ACTN3: variants seen among roughly 807,000 people sequenced by gnomAD.
ACTN3 encodes alpha-actinin-3.
ACTN3 carries 91 observed loss-of-function variants against 119.6 expected under a neutral mutation model. The observed-to-expected ratio is 0.76, with a 90% CI of 0.64 to 0.91. The LOEUF is 0.91. Ranked by LOEUF, ACTN3 falls within the 40% of genes least tolerant of loss-of-function variation. The pLI is 0.00. For synonymous variants in ACTN3, 456 were observed against 478.8 expected, an observed-to-expected ratio of 0.95 and a Z score of 0.62; for missense variants, 1,221 against 1,215.1, an observed-to-expected ratio of 1.00 and a Z score of -0.07.
At chr11:66,560,942 A>C (rs1207497317) in intron 15 of ACTN3, among the ~76,000 whole-genome samples, 187 bp downstream of exon 15, 1 of 152,212 alleles carries the variant, frequency 6.6e-6, no homozygotes. Context: ...GAGCTGTAAC[A>C]GCAGCATTCT....
intron 3 of ACTN3, among the ~76,000 whole-genome samples, chr11:66,553,435 G>T (rs1419744314): frequency 6.6e-6 from 1 of 151,704 alleles, no homozygotes; most frequent in Non-Finnish European, 1.5e-5. Context: ...GCAGCCTGTA[G>T]TCCCCGCTAT....
chr11:66,551,395 G>A (rs1384804387), intron 2 of ACTN3, 42 bp downstream of exon 2: 3 of 1,576,096 alleles, frequency 1.9e-6, no homozygotes, highest in East Asian at 2.3e-5. Context: ...CAGGACCCAG[G>A]AACATCTGGA....
In ACTN3 at chr11:66,561,544, C is replaced by T. The variant is rs1857765006; in HGVS notation, c.2082C>T (p.Asn694=). ...GLRQQEQNII[N]YKTNIDRLEG... ...GGCAGCAGGAGCAGAACATTATCAA[C>T]TACAAGACTAACATTGACCGGCTGG... is the stretch of plus-strand genomic sequence containing the variant. Residue 694 remains asparagine (N), a synonymous_variant, in exon 17 of 21, where the codon AAC becomes AAT. Coordinates refer to ENST00000513398, the MANE Select transcript of ACTN3 (RefSeq NM_001104.4). 21 of 1,611,854 alleles carry T rather than the reference C, an allele frequency of 1.3e-5. No homozygotes were observed. Among genetic ancestry groups the T allele is most frequent in the Non-Finnish European group, 1.4e-5 (17 of 1,179,014 alleles).
At chr11:66,560,109 G>GGT in intron 13 of ACTN3, 33 bp downstream of exon 13, 3 of 1,048,634 alleles carry the variant, frequency 2.9e-6, no homozygotes, top group Admixed American at 2.3e-5. Context: ...TGGGGGGTGG[G>GGT]TAGGTGGGTG....
At chr11:66,547,943 C>A (rs1234712899) in intron 1 of ACTN3, among the ~76,000 whole-genome samples, 2 of 152,144 alleles carry the variant, frequency 1.3e-5, no homozygotes, top group Non-Finnish European at 2.9e-5. Context: ...GGGGGCAGGA[C>A]ACCTGGGTTC....
chr11:66,552,893 C>T (rs1565304437), intron 3 of ACTN3, among the ~76,000 whole-genome samples: 1 of 150,878 alleles, frequency 6.6e-6, no homozygotes. Context: ...CACACACACA[C>T]ACACACACAC....
At chr11:66,552,634 T>A (rs1300788065) in intron 3 of ACTN3, among the ~76,000 whole-genome samples, 2 of 151,554 alleles carry the variant, frequency 1.3e-5, no homozygotes, top group Non-Finnish European at 2.9e-5. Flanking sequence ...GGCAAATGGA[T>A]CACCCTGAAG....
chr11:66,560,347 C>T lies in ACTN3; in HGVS notation c.1677+36C>T, dbSNP rs758092620. 6 of 1,589,098 alleles carry T rather than the reference C, an allele frequency of 3.8e-6. No individual in the cohort carries two copies. The East Asian group carries it at 1.4e-4, about 36-fold the overall frequency. ...GGGTTGCAGGGGATGGATAGGATGACAGGAAAGCTGGCCCCAAATTCTGCC... is the reference window on the plus strand; with the variant it reads ...GGGTTGCAGGGGATGGATAGGATGATAGGAAAGCTGGCCCCAAATTCTGCC... On this transcript the variant is annotated intron_variant, in intron 14 of 20. Coordinates refer to ENST00000513398, the MANE Select transcript of ACTN3 (RefSeq NM_001104.4).
Position 66,562,974 on chromosome 11 carries a change from G to A in ACTN3, c.2547+20G>A, listed in dbSNP as rs1857826083. 2 of 1,610,436 alleles carry A rather than the reference G, an allele frequency of 1.2e-6. No individual in the cohort carries two copies. The highest frequency in any genetic ancestry group is 1.1e-5 in the South Asian group (1 of 90,734). ...GACAAGGTGAGTCCCAGGCGGTGGA[G>A]GGGCTGGTGGGCTAGGGCAGGGCAC... On this transcript the variant is annotated intron_variant, in intron 20 of 20. Coordinates refer to ENST00000513398, the MANE Select transcript of ACTN3 (RefSeq NM_001104.4).
chr11:66,546,631 A>G (rs1857346940), upstream of ACTN3: 1 of 1,534,124 alleles, frequency 6.5e-7, no homozygotes, highest in Admixed American at 2.0e-5. Context: ...TATTGTGGAG[A>G]GGAGTAAACA....
In ACTN3 at chr11:66,551,579, C is replaced by A; in HGVS notation, c.314C>A (p.Ala105Asp). Residue 105 changes from alanine to aspartate, a missense_variant, in exon 3 of 21, where the codon GCC becomes GAC. By Grantham distance (126) the Ala-to-Asp change is moderately radical. Transcript: ENST00000513398. ...GGCAAGATGCGCTTCCACAAAATCG[C>A]CAACGTTAACAAGGCCCTGGACTTC... ...DKGKMRFHKIANVNKALDFIA... is the reference protein window; with the variant it reads ...DKGKMRFHKIDNVNKALDFIA... The A allele has an allele frequency of 1.9e-6, 3 of 1,614,112 alleles. No individual in the cohort carries two copies. Among genetic ancestry groups the A allele is most frequent in the African/African-American group, 2.7e-5 (2 of 75,050 alleles).
chr11:66,554,823 C>T (rs1449998163), intron 5 of ACTN3, among the ~76,000 whole-genome samples, 200 bp downstream of exon 5: 2 of 152,104 alleles, frequency 1.3e-5, no homozygotes, highest in Non-Finnish European at 2.9e-5. Flanking sequence ...CAGGAGGGTT[C>T]CAGTAACTCC....
chr11:66,562,818 T>C lies in ACTN3; in HGVS notation c.2411T>C (p.Ile804Thr). ...YDLGEVEFAR[I>T]MTMVDPNAAG... is the part of the protein sequence containing the mutation. ...CAGGGGGAAGTGGAGTTTGCTCGCA[T>C]CATGACCATGGTGGACCCCAACGCA... Residue 804 changes from isoleucine to threonine, a missense_variant, in exon 20 of 21, where the codon ATC (isoleucine) becomes ACC (threonine). By Grantham distance (89) the Ile-to-Thr change is moderately conservative (BLOSUM62 -1). Coordinates refer to ENST00000513398, the MANE Select transcript of ACTN3 (RefSeq NM_001104.4). The C allele has an allele frequency of 6.2e-7, 1 of 1,612,536 alleles. No individual in the cohort carries two copies. The highest frequency in any genetic ancestry group is 8.5e-7 in the Non-Finnish European group (1 of 1,179,046).
rs543883614 is a variant in ACTN3, at chr11:66,554,554, G to T, written c.488G>T (p.Gly163Val). Reference sequence around the variant, plus strand: ...GACCCAGAAACCTCAGCCAAGGAAGGCTTGCTTCTGTGGTGCCAGAGGAAG... The same window carrying T: ...GACCCAGAAACCTCAGCCAAGGAAGTCTTGCTTCTGTGGTGCCAGAGGAAG... ...ISVEETSAKEGLLLWCQRKTA... is the reference protein window; with the variant it reads ...ISVEETSAKEVLLLWCQRKTA... The change falls in exon 5 of 21, where the codon GGC (glycine) becomes GTC (valine). Residue 163 changes from glycine to valine, a missense_variant. By Grantham distance (109) the Gly-to-Val change is moderately radical. This residue lies in a region of ACTN3 where 239 missense variants were observed against 231.8 expected (regional missense o/e 1.03). Coordinates refer to ENST00000513398, the MANE Select transcript of ACTN3 (RefSeq NM_001104.4). 1.2e-6 allele frequency: 2 copies of T among 1,611,052 alleles called. No homozygotes were observed. The highest frequency in any genetic ancestry group is 1.7e-5 in the Admixed American group (1 of 59,658).
At chr11:66,547,874 G>A (rs1399990294) in intron 1 of ACTN3, among the ~76,000 whole-genome samples, 1 of 152,090 alleles carries the variant, frequency 6.6e-6, no homozygotes. Context: ...CCAGCCCGTT[G>A]GGCACTCAGG....
At chr11:66,560,823 G>T (rs1857742335) in intron 15 of ACTN3, 68 bp downstream of exon 15, 1 of 1,506,460 alleles carries the variant, frequency 6.6e-7, no homozygotes, top group African/African-American at 1.4e-5. Context: ...AATCTCGGGT[G>T]GCCCAAGATA....
Position 66,562,859 on chromosome 11 carries a change from T to A in ACTN3, c.2452T>A (p.Phe818Ile), listed in dbSNP as rs765622658. 6.2e-7 allele frequency: 1 copy of A among 1,613,796 alleles called. No individual in the cohort carries two copies. The highest frequency in any genetic ancestry group is 1.1e-5 in the South Asian group (1 of 91,072). Residue 818 changes from phenylalanine (F) to isoleucine (I), a missense_variant, in exon 20 of 21, where the codon TTC (phenylalanine) becomes ATC (isoleucine). Phe to Ile is a conservative substitution (Grantham distance 21). Transcript: ENST00000513398. ...CCCCAACGCAGCTGGGGTGGTGACC[T>A]TCCAGGCCTTCATAGACTTCATGAC... ...VDPNAAGVVT[F>I]QAFIDFMTRE...
At chr11:66,558,328 C>A in intron 11 of ACTN3, 154 bp downstream of exon 11, 1 of 674,412 alleles carries the variant, frequency 1.5e-6, no homozygotes, top group Non-Finnish European at 1.8e-6. Flanking sequence ...CCCTGACTTG[C>A]TGTGGTGCAA....
rs1413627420 is a variant in ACTN3, at chr11:66,559,959, C to T, written c.1428-9C>T. On this transcript the variant is annotated splice_polypyrimidine_tract_variant and intron_variant, in intron 12 of 20. Transcript: ENST00000513398. ...CTGGCCCCACACTCGCCCTACTTCT[C>T]GCTCCCAGTGAGCTGGACTACCACG... The T allele has an allele frequency of 5.7e-6, 9 of 1,584,374 alleles. No homozygotes were observed. The highest frequency in any genetic ancestry group is 4.6e-5 in the South Asian group (4 of 86,272).
Sources: gnomAD v4.1 joint callset for allele counts (sites outside exome capture counted in the v4.1 genomes callset) on GRCh38, gnomAD v4.1.1 for gene constraint, gnomAD v4.1.1 regional missense constraint, MANE v1.5 for transcripts, NCBI Gene and HGNC (gene_info 2026-07-23, HGNC 2026-07-21) for gene names.